Variants in CDC42BPA observed in about 807,000 individuals in gnomAD.
CDC42BPA encodes serine/threonine-protein kinase MRCK alpha.
CDC42BPA carries 80 observed loss-of-function variants against 223.5 expected under a neutral mutation model. The observed-to-expected ratio is 0.36, with a 90% CI of 0.30 to 0.43. The LOEUF (loss-of-function observed/expected upper bound fraction) is 0.43. Among genes scored for constraint, CDC42BPA ranks in the 20% least tolerant of loss-of-function variants. CDC42BPA has a pLI of 1.00. For missense variants in CDC42BPA, 1,743 were observed against 2,099.9 expected (o/e 0.83, Z 3.32); for synonymous variants, 694 against 718.6 (o/e 0.97, Z 0.55).
intron 2 of CDC42BPA, among the ~76,000 whole-genome samples, chr1:227,251,758 T>C (rs1682044859): frequency 6.6e-6 from 1 of 152,144 alleles, no homozygotes; most frequent in South Asian, 2.1e-4. Flanking sequence ...AGTAAGGATA[T>C]GGAAGATTTA....
chr1:227,302,600 A>C (rs1691838600), intron 1 of CDC42BPA, among the ~76,000 whole-genome samples: 1 of 152,110 alleles, frequency 6.6e-6, no homozygotes, highest in South Asian at 2.1e-4. Context: ...CTTGATGCGA[A>C]TCTATTTTCA....
At chr1:227,203,435 C>G (rs2150260027) in intron 3 of CDC42BPA, among the ~76,000 whole-genome samples, 1 of 152,072 alleles carries the variant, frequency 6.6e-6, no homozygotes, top group South Asian at 2.1e-4. Flanking sequence ...GTTGAGAAGC[C>G]CTGTTCTAGA....
intron 1 of CDC42BPA, among the ~76,000 whole-genome samples, chr1:227,296,720 A>G (rs1445455265): frequency 1.3e-4 from 19 of 151,806 alleles, no homozygotes; most frequent in Admixed American, 1.2e-3. Flanking sequence ...AAAAAAAAAA[A>G]AAAAAAAACT....
intron 20 of CDC42BPA, among the ~76,000 whole-genome samples, chr1:227,071,087 T>C (rs937235151): frequency 6.6e-6 from 1 of 151,962 alleles, no homozygotes; most frequent in Non-Finnish European, 1.5e-5. Flanking sequence ...GAATTACTAT[T>C]CACTTTTTCT....
chr1:227,091,788 C>A (rs1009304165), intron 16 of CDC42BPA, 98 bp downstream of exon 16: 3 of 599,874 alleles, frequency 5.0e-6, no homozygotes, highest in Non-Finnish European at 8.4e-6. Context: ...GACTATTAAA[C>A]AAAAATGTAT....
chr1:226,999,036 C>G (rs1009000181), intron 35 of CDC42BPA, among the ~76,000 whole-genome samples: 1 of 151,618 alleles, frequency 6.6e-6, no homozygotes, highest in Non-Finnish European at 1.5e-5. Context: ...AAGAAACATA[C>G]AAAAAAAAGC....
Position 227,294,304 on chromosome 1 carries a change from CTG to C in CDC42BPA, c.178+22699_178+22700del, listed in dbSNP as rs201107363. Among the ~76,000 whole-genome samples the C allele has an allele frequency of 2.2e-3, 335 of 151,840 alleles. 9 individuals carry two copies. In the East Asian group the frequency reaches 0.046, roughly 21 times the overall value. ...AAAAAATTTAGTATCTAATAAATAA[CTG>C]TGTATTTATTTAATGAAATAATAAG... On this transcript the variant is annotated intron_variant, in intron 1 of 36. Transcript: ENST00000366766.
Position 226,994,426 on chromosome 1 carries a change from T to C in CDC42BPA, c.5134-27A>G. ...TGTAAGGCCCAAAGTAAAACATTAATGAGAAGGAGGGGGAGAAAGGGAGGC... is the reference window on the plus strand; with the variant it reads ...TGTAAGGCCCAAAGTAAAACATTAACGAGAAGGAGGGGGAGAAAGGGAGGC... On this transcript the variant is annotated intron_variant, in intron 36 of 36. Coordinates refer to ENST00000366766, the MANE Select transcript of CDC42BPA (RefSeq NM_001394014.1). This position sits in a 1 kb window ranked among gnomAD's most constrained non-coding sequence, Gnocchi z 4.0. 6.8e-7 allele frequency: 1 copy of C among 1,475,642 alleles called. No individual in the cohort carries two copies. Among genetic ancestry groups the C allele is most frequent in the Non-Finnish European group, 9.0e-7 (1 of 1,108,012 alleles). 91.4% of individuals were successfully genotyped at this position (1,475,642 alleles called of 1,614,324 possible). A position where few individuals can be genotyped will look rare whatever the true frequency, so the allele number is the denominator to read the frequency against.
chr1:227,222,263 C>T (rs1676053753), intron 2 of CDC42BPA, among the ~76,000 whole-genome samples: 1 of 151,526 alleles, frequency 6.6e-6, no homozygotes, highest in South Asian at 2.1e-4. Flanking sequence ...AATCCCAGCA[C>T]TTTGGGAGGC....
intron 1 of CDC42BPA, among the ~76,000 whole-genome samples, chr1:227,278,930 G>A (rs941342610): frequency 1.3e-5 from 2 of 151,740 alleles, no homozygotes; most frequent in African/African-American, 4.8e-5. Context: ...TAGAGAAGCA[G>A]AAGTTACATT....
chr1:227,096,661 C>T (rs571918056), intron 15 of CDC42BPA, among the ~76,000 whole-genome samples: 23 of 152,310 alleles, frequency 1.5e-4, no homozygotes, highest in African/African-American at 5.5e-4. Flanking sequence ...CCATGCTCTC[C>T]TAGTTTTAGT....
rs112167411 is a variant in CDC42BPA at position 227,059,407 on chromosome 1, G to A, written c.2905-7422C>T. 2.6e-5 allele frequency: 41 copies of A among 1,562,898 alleles called. No homozygotes were observed. In the African/African-American group the frequency reaches 4.5e-4, roughly 17 times the overall value. ...TTTGCTAGCTGGAGTACAGGATGGAGAGCGCTTCAACAGAGAAAGGAGAAT... is the reference window on the plus strand; with the variant it reads ...TTTGCTAGCTGGAGTACAGGATGGAAAGCGCTTCAACAGAGAAAGGAGAAT... On this transcript the variant is annotated intron_variant, in intron 21 of 36. Transcript: ENST00000366766.
chr1:227,108,897 A>G (rs1447389719), intron 14 of CDC42BPA, among the ~76,000 whole-genome samples: 1 of 152,140 alleles, frequency 6.6e-6, no homozygotes, highest in Non-Finnish European at 1.5e-5. Context: ...GGTATAGCCT[A>G]TTGCTCCCAG....
chr1:227,090,642 C>T (rs1253863004), intron 16 of CDC42BPA, among the ~76,000 whole-genome samples: 2 of 152,056 alleles, frequency 1.3e-5, no homozygotes, highest in Non-Finnish European at 2.9e-5. Flanking sequence ...GAAATTCCAA[C>T]TCTACTAAAA....
chr1:227,002,871 T>C (rs1224695152), intron 35 of CDC42BPA, among the ~76,000 whole-genome samples: 1 of 152,112 alleles, frequency 6.6e-6, no homozygotes, highest in Non-Finnish European at 1.5e-5. Context: ...TGCAATCTGA[T>C]GAGAAACCCT....
chr1:227,048,023 G>A lies in CDC42BPA; in HGVS notation c.3010-13C>T, dbSNP rs368719502. On this transcript the variant is annotated splice_polypyrimidine_tract_variant and intron_variant, in intron 22 of 36. Transcript: ENST00000366766. Reference sequence around the variant, plus strand: ...TGGAGTCTACAGTCTGAACCCAGGAGCAAAAAAGGAAATAAATGTCATGAA... The same window carrying A: ...TGGAGTCTACAGTCTGAACCCAGGAACAAAAAAGGAAATAAATGTCATGAA... The A allele has an allele frequency of 2.7e-5, 41 of 1,522,310 alleles. No homozygotes were observed. In the African/African-American group the frequency reaches 4.6e-4, roughly 17 times the overall value. 94.3% of individuals were successfully genotyped at this position (1,522,310 alleles called of 1,614,324 possible). A position where few individuals can be genotyped will look rare whatever the true frequency, so the allele number is the denominator to read the frequency against.
intron 1 of CDC42BPA, among the ~76,000 whole-genome samples, chr1:227,271,679 G>A (rs1685977349): frequency 1.3e-5 from 2 of 152,060 alleles, no homozygotes; most frequent in African/African-American, 2.4e-5. Flanking sequence ...CTGAAATTAC[G>A]AGCTTAGTAA....
chr1:227,023,846 T>C (rs922031705), intron 31 of CDC42BPA, among the ~76,000 whole-genome samples: 1 of 152,190 alleles, frequency 6.6e-6, no homozygotes, highest in African/African-American at 2.4e-5. Context: ...AGCTTTACAA[T>C]GTTTGGAGGC....
rs747979605 is a variant in CDC42BPA at position 227,112,768 on chromosome 1, C to A, written c.1793G>T (p.Arg598Leu). The A allele has an allele frequency of 9.8e-5, 158 of 1,614,006 alleles. No homozygotes were observed. Among genetic ancestry groups the A allele is most frequent in the South Asian group, 4.9e-4 (45 of 91,074 alleles). Residue 598 changes from arginine to leucine, a missense_variant, in exon 13 of 37, where the codon CGC (arginine) becomes CTC (leucine). Physicochemically the swap from Arg to Leu is moderately radical, Grantham distance 102. Around this residue, in one of 6 missense-constraint regions of CDC42BPA, gnomAD observed 464 missense variants for 488.0 expected, o/e 0.95. Transcript: ENST00000366766. The stretch of plus-strand genomic sequence containing the variant: ...CTCTTCTTCCTTATCTCGGACATGG[C>A]GAGCAAGTTTCTGTTTTTGGGTGTG... ...ELHTQKQKLA[R>L]HVRDKEEEVD...
Sources: allele counts gnomAD v4.1 joint callset (sites outside exome capture counted in the v4.1 genomes callset), GRCh38; gene constraint gnomAD v4.1.1; regional missense constraint gnomAD v4.1.1; non-coding constraint Gnocchi (gnomAD v3.1); transcripts MANE v1.5; gene names NCBI Gene and HGNC (gene_info 2026-07-23, HGNC 2026-07-21).